Variants in RHPN2 observed in about 807,000 individuals in gnomAD.
The protein encoded by RHPN2 is rhophilin Rho GTPase binding protein 2.
RHPN2 carries 40 observed loss-of-function variants against 79.0 expected under a neutral mutation model. The ratio of observed to expected loss-of-function variants is 0.51; its 90% CI spans 0.39 to 0.66. RHPN2 has a LOEUF of 0.66. RHPN2 is among the 30% of genes least tolerant of loss of function. The pLI, the probability that RHPN2 is intolerant of heterozygous loss-of-function variation, is 0.00. For missense variants in RHPN2, 686 were observed against 883.5 expected (o/e 0.78, Z 2.83); for synonymous variants, 285 against 363.5 (o/e 0.78, Z 2.46).
intron 2 of RHPN2, 123 bp from the exon 3 acceptor site, chr19:33,026,755 G>T: frequency 8.3e-7 from 1 of 1,201,272 alleles, no homozygotes; most frequent in Non-Finnish European, 1.2e-6. Context: ...AGGGCCAGGA[G>T]TGTCGGTTAA....
intron 2 of RHPN2, among the ~76,000 whole-genome samples, chr19:33,036,646 C>T (rs1012491471): frequency 2.6e-5 from 4 of 152,176 alleles, no homozygotes; most frequent in African/African-American, 9.6e-5. Context: ...GAGGGAGAGG[C>T]GCGGGCGGGA....
chr19:33,029,965 T>C (rs966288191), intron 2 of RHPN2, among the ~76,000 whole-genome samples: 1 of 152,180 alleles, frequency 6.6e-6, no homozygotes, highest in African/African-American at 2.4e-5. Flanking sequence ...CCAGGGTTTT[T>C]ACTGGGGGCT....
At chr19:33,043,791 G>A (rs1972119946) in intron 2 of RHPN2, among the ~76,000 whole-genome samples, 1 of 152,150 alleles carries the variant, frequency 6.6e-6, no homozygotes, top group South Asian at 2.1e-4. Context: ...TCACGGGGGT[G>A]TACTGAGCCC....
intron 1 of RHPN2, among the ~76,000 whole-genome samples, chr19:33,047,465 G>T (rs1039241954): frequency 6.6e-6 from 1 of 152,172 alleles, no homozygotes; most frequent in Non-Finnish European, 1.5e-5. Flanking sequence ...ACCCCAGACA[G>T]GTAGAAGCCT....
At chr19:33,046,156 G>A (rs1972141119) in intron 1 of RHPN2, among the ~76,000 whole-genome samples, 1 of 152,132 alleles carries the variant, frequency 6.6e-6, no homozygotes, top group African/African-American at 2.4e-5. Context: ...TACGAATAAG[G>A]CTGTTTATGT....
intron 13 of RHPN2, 68 bp from the exon 14 acceptor site, chr19:32,990,737 A>G: frequency 6.3e-7 from 1 of 1,586,890 alleles, no homozygotes; most frequent in Non-Finnish European, 8.6e-7. Context: ...GTCCCCATTA[A>G]CAAAATAGGT....
At chr19:33,011,837 G>A (rs1296933031) in intron 5 of RHPN2, 34 bp from the exon 6 acceptor site, 2 of 1,613,838 alleles carry the variant, frequency 1.2e-6, no homozygotes, top group Non-Finnish European at 1.7e-6. Flanking sequence ...GGCATGAGCA[G>A]AGGAGGACAC....
At chr19:33,048,599 G>A (rs558021884) in intron 1 of RHPN2, among the ~76,000 whole-genome samples, 10 of 150,632 alleles carry the variant, frequency 6.6e-5, no homozygotes, top group Admixed American at 1.3e-4. Context: ...AGTGGCATGC[G>A]CCTATAATCC....
intron 3 of RHPN2, among the ~76,000 whole-genome samples, chr19:33,025,528 C>T (rs1162982041): frequency 2.6e-5 from 4 of 151,872 alleles, no homozygotes; most frequent in Non-Finnish European, 5.9e-5. Flanking sequence ...TGGTGTGTTA[C>T]TTTAATTTGG....
chr19:32,989,048 A>C (rs1426363897), intron 14 of RHPN2, among the ~76,000 whole-genome samples: 1 of 152,190 alleles, frequency 6.6e-6, no homozygotes, highest in Admixed American at 6.6e-5. Context: ...TACATCATTA[A>C]GTGTGGCAAA....
At chr19:32,991,609 C>T (rs1236441879) in intron 13 of RHPN2, among the ~76,000 whole-genome samples, 3 of 152,108 alleles carry the variant, frequency 2.0e-5, no homozygotes, top group African/African-American at 7.2e-5. Flanking sequence ...ACGATCGCGA[C>T]TCACTGCAGC....
At chr19:33,061,406 T>C (rs1258605182) in intron 1 of RHPN2, among the ~76,000 whole-genome samples, 1 of 150,942 alleles carries the variant, frequency 6.6e-6, no homozygotes, top group Non-Finnish European at 1.5e-5. Flanking sequence ...GGGGTTTCAC[T>C]GTGTTAGCCA....
At chr19:33,062,767 CATA>C (rs76516449) in intron 1 of RHPN2, among the ~76,000 whole-genome samples, 20,824 of 143,504 alleles carry the variant, frequency 0.15, 1,660 homozygotes, top group Non-Finnish European at 0.17. Context: ...GACTCTGTTT[CATA>C]ATAATAATAA....
At chr19:33,023,146 T>C (rs1235315830) in intron 3 of RHPN2, among the ~76,000 whole-genome samples, 1 of 151,804 alleles carries the variant, frequency 6.6e-6, no homozygotes, top group African/African-American at 2.4e-5. Context: ...GAAAACACAG[T>C]AGTGCAGGCC....
At chr19:32,994,516 G>A (rs1971686067) in intron 11 of RHPN2, among the ~76,000 whole-genome samples, 1 of 152,112 alleles carries the variant, frequency 6.6e-6, no homozygotes, top group African/African-American at 2.4e-5. Context: ...CCCGACCTAG[G>A]GTGAACTGTA....
rs779569052 is a variant in RHPN2, at chr19:32,979,963, T to C, written c.*33A>G. On this transcript the variant is annotated 3_prime_UTR_variant, in exon 15 of 15. Transcript: ENST00000254260. Reference sequence around the variant, plus strand: ...TTTAAGGCCGAGTCAGCACCGGAAATGTTCAGGGCCTGAACATGTTTGTTT... The same window carrying C: ...TTTAAGGCCGAGTCAGCACCGGAAACGTTCAGGGCCTGAACATGTTTGTTT... The C allele has an allele frequency of 7.3e-5, 117 of 1,613,200 alleles. No individual in the cohort carries two copies. Among genetic ancestry groups the C allele is most frequent in the Middle Eastern group, 1.6e-4 (1 of 6,076 alleles).
At chr19:33,007,033 ACT>A (rs34700392) in intron 7 of RHPN2, among the ~76,000 whole-genome samples, 35,728 of 151,678 alleles carry the variant, frequency 0.24, 4,220 homozygotes, top group East Asian at 0.36. Context: ...CAAGAGCAAG[ACT>A]CTATCTCAAA....
chr19:33,020,485 G>A (rs1205312280), intron 4 of RHPN2, among the ~76,000 whole-genome samples: 1 of 146,264 alleles, frequency 6.8e-6, no homozygotes, highest in Non-Finnish European at 1.5e-5. Flanking sequence ...ATGCCACTAT[G>A]CCCAGCTAAT....
intron 7 of RHPN2, among the ~76,000 whole-genome samples, chr19:33,005,704 C>T (rs930899224): frequency 6.6e-6 from 1 of 151,114 alleles, no homozygotes. Context: ...CCCCACTGTT[C>T]TCCTACTTGC....
Sources: gnomAD v4.1 joint callset for allele counts (sites outside exome capture counted in the v4.1 genomes callset) on GRCh38, gnomAD v4.1.1 for gene constraint, MANE v1.5 for transcripts, NCBI Gene and HGNC (gene_info 2026-07-23, HGNC 2026-07-21) for gene names.